Variants in CAMTA1 observed in about 807,000 individuals in gnomAD.
CAMTA1 encodes calmodulin binding transcription activator 1.
A neutral mutation model predicts 170.9 loss-of-function variants in CAMTA1; 27 were observed. The ratio of observed to expected loss-of-function variants is 0.16; its 90% CI spans 0.12 to 0.22. The LOEUF (loss-of-function observed/expected upper bound fraction) is 0.22, where lower values mean the gene tolerates loss of function less well. Among genes scored for constraint, CAMTA1 ranks in the 10% least tolerant of loss-of-function variants. The pLI is 1.00. For synonymous variants in CAMTA1, 833 were observed against 891.5 expected (o/e 0.93, Z 1.17); for missense variants, 1,619 against 2,217.2 (o/e 0.73, Z 5.42).
At chr1:7,236,025 C>T (rs1389971049) in intron 4 of CAMTA1, among the ~76,000 whole-genome samples, 63 of 152,180 alleles carry the variant, frequency 4.1e-4, no homozygotes, top group Admixed American at 4.1e-3. Context: ...TTCTCTTCCC[C>T]CTCTTTTCAT....
At chr1:7,121,189 G>A (rs1644619282) in intron 4 of CAMTA1, among the ~76,000 whole-genome samples, 1 of 152,240 alleles carries the variant, frequency 6.6e-6, no homozygotes, top group Admixed American at 6.5e-5. Context: ...AGTGACCCTG[G>A]CTTTTTGCCA....
intron 6 of CAMTA1, among the ~76,000 whole-genome samples, chr1:7,514,741 C>T (rs1479994237): frequency 1.3e-5 from 2 of 152,182 alleles, no homozygotes; most frequent in Non-Finnish European, 2.9e-5. Context: ...ATCCTCTTCC[C>T]ACTGGGCAGC....
rs182208222 is a variant in CAMTA1, at chr1:6,861,116, C to G, written c.234+35906C>G. 5.7e-4 allele frequency among the ~76,000 whole-genome samples: 86 copies of G among 152,042 alleles called. 1 individual carries two copies. The highest frequency in any genetic ancestry group is 3.4e-3 in the Middle Eastern group (1 of 294). ...AGTAGCAGGCACATGCCACCACGCC[C>G]GGCTAATTTTTGTGTTGTTGGTAGA... On this transcript the variant is annotated intron_variant, in intron 3 of 22. Transcript: ENST00000303635.
At chr1:7,348,911 A>G (rs1557564011) in intron 5 of CAMTA1, among the ~76,000 whole-genome samples, 1 of 152,164 alleles carries the variant, frequency 6.6e-6, no homozygotes, top group East Asian at 1.9e-4. Context: ...AAAGTTGCCT[A>G]CTTCTCATTT....
At chr1:7,133,321 C>T (rs113996026) in intron 4 of CAMTA1, among the ~76,000 whole-genome samples, 2,285 of 152,216 alleles carry the variant, frequency 0.015, 61 homozygotes, top group African/African-American at 0.053. Context: ...TACTTCGTGT[C>T]TTTTAAGGAT....
intron 5 of CAMTA1, among the ~76,000 whole-genome samples, chr1:7,271,971 C>A (rs1669875537): frequency 6.6e-6 from 1 of 151,904 alleles, no homozygotes; most frequent in East Asian, 1.9e-4. Flanking sequence ...AATTTTCTGA[C>A]AAAGAAAAAC....
At position 6,934,664 on chromosome 1, in the gene CAMTA1, C is replaced by G. The variant is rs1684999859; in HGVS notation, c.234+109454C>G. ...CCCGAGATCCCGGGGCAAATGCCTC[C>G]CCTCCCTTCACCACCACCCCCTCCC... On this transcript the variant is annotated intron_variant, in intron 3 of 22. Coordinates refer to ENST00000303635, the MANE Select transcript of CAMTA1 (RefSeq NM_015215.4). This position sits in a 1 kb window ranked among gnomAD's most constrained non-coding sequence, Gnocchi z 4.5. 6.6e-6 allele frequency among the ~76,000 whole-genome samples: 1 copy of G among 152,126 alleles called. No homozygotes were observed. Among genetic ancestry groups the G allele is most frequent in the African/African-American group, 2.4e-5 (1 of 41,422 alleles).
intron 6 of CAMTA1, among the ~76,000 whole-genome samples, chr1:7,489,740 G>A (rs1018898440): frequency 6.6e-6 from 1 of 152,196 alleles, no homozygotes; most frequent in Non-Finnish European, 1.5e-5. Flanking sequence ...TGGTGGAGGC[G>A]ATCCTCATTC....
chr1:7,600,168 C>T (rs2095429204), intron 6 of CAMTA1, among the ~76,000 whole-genome samples: 1 of 152,158 alleles, frequency 6.6e-6, no homozygotes, highest in Non-Finnish European at 1.5e-5. Flanking sequence ...TGAATTTTGT[C>T]AAAGGCCTTT....
chr1:7,187,992 G>T (rs998666144), intron 4 of CAMTA1, among the ~76,000 whole-genome samples: 8 of 152,140 alleles, frequency 5.3e-5, no homozygotes, highest in African/African-American at 1.9e-4. Context: ...TGCATGGCTG[G>T]GGAGGCCTCA....
chr1:7,226,877 G>A lies in CAMTA1; in HGVS notation c.303-22614G>A, dbSNP rs140398192. On this transcript the variant is annotated intron_variant, in intron 4 of 22. Coordinates refer to ENST00000303635, the MANE Select transcript of CAMTA1 (RefSeq NM_015215.4). ...AGATGGAGTCTCGCTCTGTCACCCG[G>A]GCTGGAGTGCAGTGGCACGGTCTCG... Among the ~76,000 whole-genome samples the A allele has an allele frequency of 2.0e-5, 3 of 151,856 alleles. No individual in the cohort carries two copies. In the East Asian group the frequency reaches 5.8e-4, roughly 29 times the overall value.
At chr1:7,704,434 G>A (rs1280528037) in intron 11 of CAMTA1, among the ~76,000 whole-genome samples, 11 of 145,784 alleles carry the variant, frequency 7.5e-5, no homozygotes, top group Non-Finnish European at 1.5e-4. Context: ...CGGGCGGAGC[G>A]GCGGGGACCG....
chr1:7,296,252 C>T (rs570814109), intron 5 of CAMTA1, among the ~76,000 whole-genome samples: 23 of 152,288 alleles, frequency 1.5e-4, no homozygotes, highest in African/African-American at 3.4e-4. Flanking sequence ...ACTTTACAGA[C>T]GAAAATGGAG....
intron 5 of CAMTA1, among the ~76,000 whole-genome samples, chr1:7,262,000 C>T (rs1292240116): frequency 1.3e-5 from 2 of 152,236 alleles, no homozygotes; most frequent in African/African-American, 4.8e-5. Context: ...AGAAGCAACG[C>T]TTAATCCTTT....
chr1:6,976,848 G>A (rs1385336566), intron 3 of CAMTA1, among the ~76,000 whole-genome samples: 1 of 152,204 alleles, frequency 6.6e-6, no homozygotes, highest in African/African-American at 2.4e-5. Context: ...TCAGTGGGAG[G>A]TAATAGAACC....
At chr1:7,461,165 C>A (rs1294458113) in intron 5 of CAMTA1, among the ~76,000 whole-genome samples, 1 of 152,218 alleles carries the variant, frequency 6.6e-6, no homozygotes, top group African/African-American at 2.4e-5. Flanking sequence ...TTTGCCATCA[C>A]AGGCACAGAA....
intron 3 of CAMTA1, among the ~76,000 whole-genome samples, chr1:6,901,061 C>G (rs1039843958): frequency 6.6e-6 from 1 of 151,616 alleles, no homozygotes; most frequent in African/African-American, 2.4e-5. Context: ...ATCAATGGAA[C>G]CAAATAGGGA....
At chr1:7,098,120 TGCAC>T (rs1405069992) in intron 4 of CAMTA1, among the ~76,000 whole-genome samples, 3 of 151,946 alleles carry the variant, frequency 2.0e-5, no homozygotes, top group African/African-American at 7.3e-5. Flanking sequence ...TGTGTGTGTG[TGCAC>T]GTGCGCGTGC....
rs977386542 is a variant in CAMTA1, at chr1:7,146,043, A to G, written c.302+54672A>G. ...GAATGATAGCTTCTATTTACTGAAC[A>G]CTTACTACGTGCGTGGCACTATGCC... On this transcript the variant is annotated intron_variant, in intron 4 of 22. Transcript: ENST00000303635. This position sits in a 1 kb window ranked among gnomAD's most constrained non-coding sequence, Gnocchi z 4.3. Among the ~76,000 whole-genome samples the G allele has an allele frequency of 1.3e-5, 2 of 152,106 alleles. No homozygotes were observed. Among genetic ancestry groups the G allele is most frequent in the Non-Finnish European group, 2.9e-5 (2 of 68,012 alleles).
Sources: allele counts gnomAD v4.1 joint callset (sites outside exome capture counted in the v4.1 genomes callset), GRCh38; gene constraint gnomAD v4.1.1; non-coding constraint Gnocchi (gnomAD v3.1); transcripts MANE v1.5; gene names NCBI Gene and HGNC (gene_info 2026-07-23, HGNC 2026-07-21).